The following COPZ2 variants were observed in gnomAD, a reference collection of about 807,000 sequenced individuals.
COPZ2 encodes coat protein complex I subunit zeta 2, also known as coatomer subunit zeta-2.
In COPZ2, 30 loss-of-function variants were observed where a neutral mutation model predicts 33.2. The observed-to-expected ratio is 0.90, with a 90% CI of 0.68 to 1.23. COPZ2 has a LOEUF of 1.23. COPZ2 is among the 50% of genes most tolerant of loss of function. The pLI is 0.00. For missense variants in COPZ2, 263 were observed against 262.4 expected, an observed-to-expected ratio of 1.00 and a Z score of -0.02; for synonymous variants, 89 against 102.6, an observed-to-expected ratio of 0.87 and a Z score of 0.80.
chr17:48,040,864 T>C (rs2037054890), upstream of COPZ2, among the ~76,000 whole-genome samples: 1 of 151,888 alleles, frequency 6.6e-6, no homozygotes. Flanking sequence ...AATGATACCA[T>C]ATTGGCTGGG....
At chr17:48,041,341 CAAAT>C (rs1450882758), upstream of COPZ2, among the ~76,000 whole-genome samples, 3 of 151,866 alleles carry the variant, frequency 2.0e-5, no homozygotes, top group South Asian at 2.1e-4. Context: ...ATATAATACA[CAAAT>C]AAATGGGAAA....
chr17:48,031,442 C>T (rs938617272), intron 6 of COPZ2, among the ~76,000 whole-genome samples: 1 of 146,718 alleles, frequency 6.8e-6, no homozygotes, highest in African/African-American at 2.5e-5. Context: ...GGTGACAGAG[C>T]GAGACTCTGT....
chr17:48,034,620 A>G (rs2036950111), intron 2 of COPZ2, among the ~76,000 whole-genome samples: 1 of 152,146 alleles, frequency 6.6e-6, no homozygotes, highest in South Asian at 2.1e-4. Context: ...TTCTTAAACA[A>G]TAATAATGAT....
At chr17:48,047,558 G>A in the COPZ2 span, 1 of 152,186 alleles carries the variant, frequency 6.6e-6, no homozygotes, top group Non-Finnish European at 1.5e-5. Flanking sequence ...TAAGCTGCGT[G>A]GGAGGCCAAA....
chr17:48,026,399 G>A lies in COPZ2; in HGVS notation c.*29C>T. 6.3e-7 allele frequency: 1 copy of A among 1,588,212 alleles called. No homozygotes were observed. Among genetic ancestry groups the A allele is most frequent in the East Asian group, 2.2e-5 (1 of 44,766 alleles). On this transcript the variant is annotated 3_prime_UTR_variant, in exon 9 of 9. Coordinates refer to ENST00000621465, the MANE Select transcript of COPZ2 (RefSeq NM_016429.4). Reference sequence around the variant, plus strand: ...TTGCCAGGATTGGGGAAATGATCTGGGGGGCAGGGAGCCTTGAATCCACAG... The same window carrying A: ...TTGCCAGGATTGGGGAAATGATCTGAGGGGCAGGGAGCCTTGAATCCACAG...
Position 48,037,264 on chromosome 17 carries a change from T to C in COPZ2, c.112-339A>G, listed in dbSNP as rs547642798. The C allele has an allele frequency of 2.3e-5, 13 of 558,638 alleles. No individual in the cohort carries two copies. In the East Asian group the frequency reaches 5.5e-4, roughly 24 times the overall value. The allele number at this position is 558,638 out of a possible 1,614,324, so 34.6% of individuals were successfully genotyped here. On this transcript the variant is annotated intron_variant, in intron 1 of 8. Coordinates refer to ENST00000621465, the MANE Select transcript of COPZ2 (RefSeq NM_016429.4). This position sits in a 1 kb window ranked among gnomAD's most constrained non-coding sequence, Gnocchi z 5.6. ...GGGGGGACAGCGGGCCGAGCCTCCTTCTTCCAGCTGATCCCTGGCCGGGCT... is the reference window on the plus strand; with the variant it reads ...GGGGGGACAGCGGGCCGAGCCTCCTCCTTCCAGCTGATCCCTGGCCGGGCT...
the COPZ2 span, among the ~76,000 whole-genome samples, chr17:48,044,403 C>CTTTTTT: frequency 1.4e-4 from 14 of 101,762 alleles, no homozygotes; most frequent in Non-Finnish European, 2.3e-4. Context: ...CAATCTTTTG[C>CTTTTTT]TTTTTTTTTT....
chr17:48,031,914 C>T, intron 6 of COPZ2: 1 of 568,622 alleles, frequency 1.8e-6, no homozygotes. Context: ...AACAGTCTCC[C>T]ATAGTTTGAC....
rs761677470 is a variant in COPZ2 at position 48,033,940 on chromosome 17, T to C, written c.191A>G (p.Tyr64Cys). The change falls in exon 3 of 9, where the codon TAT becomes TGT. Residue 64 changes from tyrosine (Y) to cysteine (C), a missense_variant. Physicochemically the swap from Tyr to Cys is radical, Grantham distance 194. Coordinates refer to ENST00000621465, the MANE Select transcript of COPZ2 (RefSeq NM_016429.4). ...CTTCATGGAGGGGAATGTGTCATCA[T>C]AATACTATGAGAAAGGGAAGGAGAA... Reference protein sequence around the residue: ...NDGRRLLAKYYDDTFPSMKEQ... With the variant: ...NDGRRLLAKYCDDTFPSMKEQ... 1.2e-6 allele frequency: 2 copies of C among 1,605,162 alleles called. No individual in the cohort carries two copies. The highest frequency in any genetic ancestry group is 1.1e-5 in the South Asian group (1 of 89,688).
upstream of COPZ2, among the ~76,000 whole-genome samples, chr17:48,042,256 C>T (rs192825958): frequency 1.2e-4 from 18 of 151,918 alleles, no homozygotes; most frequent in African/African-American, 4.1e-4. Context: ...GTCTCAGTCT[C>T]CTGAGTAGCT....
chr17:48,041,586 G>C (rs2037062871), upstream of COPZ2, among the ~76,000 whole-genome samples: 1 of 152,142 alleles, frequency 6.6e-6, no homozygotes, highest in Non-Finnish European at 1.5e-5. Context: ...TGACTTAGAA[G>C]GCACATCTGA....
upstream of COPZ2, among the ~76,000 whole-genome samples, chr17:48,040,234 GTTATTTATTATTATTT>G (rs1271194165): frequency 1.3e-5 from 2 of 150,368 alleles, no homozygotes; most frequent in Non-Finnish European, 3.0e-5. Flanking sequence ...ACCATGCCTG[GTTATTTATTATTATTT>G]TTTTTAAAGG....
At chr17:48,045,008 G>A in the COPZ2 span, 1 of 152,072 alleles carries the variant, frequency 6.6e-6, no homozygotes, top group Non-Finnish European at 1.5e-5. Context: ...CCAGACTGGA[G>A]TGCAATGGCG....
the COPZ2 span, chr17:48,045,266 C>T: frequency 0.15 from 22,905 of 152,144 alleles, 2,232 homozygotes; most frequent in Non-Finnish European, 0.21. Flanking sequence ...GCCTTAGAGA[C>T]ATTTTTAGAG....
chr17:48,033,181 C>T lies in COPZ2; in HGVS notation c.360+30G>A, dbSNP rs577050882. 233 of 1,451,802 alleles carry T rather than the reference C, an allele frequency of 1.6e-4. 1 individual carries two copies. The highest frequency in any genetic ancestry group is 8.7e-4 in the Middle Eastern group (5 of 5,774). The allele number at this position is 1,451,802 out of a possible 1,614,324, so 89.9% of individuals were successfully genotyped here. A position where few individuals can be genotyped will look rare whatever the true frequency, so the allele number is the denominator to read the frequency against. ...AACAACATTTCCCCATAGACAGACC[C>T]TTCTTACTGCCCCAACCTCCTGAAT... is the stretch of plus-strand genomic sequence containing the variant. On this transcript the variant is annotated intron_variant, in intron 4 of 8. Transcript: ENST00000621465.
At chr17:48,044,761 C>T in the COPZ2 span, among the ~76,000 whole-genome samples, 4 of 152,064 alleles carry the variant, frequency 2.6e-5, no homozygotes, top group Admixed American at 2.0e-4. Flanking sequence ...GCCATATGTC[C>T]GGATTTGCCA....
upstream of COPZ2, among the ~76,000 whole-genome samples, chr17:48,039,111 A>G (rs1361862908): frequency 6.6e-6 from 1 of 151,974 alleles, no homozygotes; most frequent in East Asian, 1.9e-4. Flanking sequence ...AGTAGCTGGG[A>G]CCACTGGTGC....
chr17:48,040,147 CACA>C (rs2037048199), upstream of COPZ2, among the ~76,000 whole-genome samples: 1 of 143,764 alleles, frequency 7.0e-6, no homozygotes, highest in Non-Finnish European at 1.5e-5. Flanking sequence ...CACACACACA[CACA>C]CACAAACAAC....
At chr17:48,038,596 C>A (rs1598267269), upstream of COPZ2, among the ~76,000 whole-genome samples, 1 of 152,184 alleles carries the variant, frequency 6.6e-6, no homozygotes, top group East Asian at 1.9e-4. Flanking sequence ...TCTAATATAG[C>A]CCACACCTGT....
Sources: gnomAD v4.1 joint callset for allele counts (sites outside exome capture counted in the v4.1 genomes callset) on GRCh38, gnomAD v4.1.1 for gene constraint, Gnocchi (gnomAD v3.1) non-coding constraint, MANE v1.5 for transcripts, NCBI Gene and HGNC (gene_info 2026-07-23, HGNC 2026-07-21) for gene names.